Variants in LINGO2 observed in about 807,000 individuals in gnomAD.
LINGO2 encodes the protein leucine rich repeat and Ig domain containing 2.
LINGO2 carries 14 observed loss-of-function variants against 30.6 expected under a neutral mutation model. The observed-to-expected ratio is 0.46, with a 90% CI of 0.30 to 0.72. The LOEUF is 0.72. Ranked by LOEUF, LINGO2 falls within the 30% of genes least tolerant of loss-of-function variation. The probability of loss-of-function intolerance (pLI) is 0.07; values close to 1 mark genes in which losing one functional copy is unlikely to be tolerated. For synonymous variants in LINGO2, 317 were observed against 288.5 expected (o/e 1.10, Z -1.00); for missense variants, 729 against 751.7 (o/e 0.97, Z 0.35).
intron 5 of LINGO2, among the ~76,000 whole-genome samples, chr9:27,996,709 A>G (rs1821680798): frequency 6.6e-6 from 1 of 152,220 alleles, no homozygotes; most frequent in Non-Finnish European, 1.5e-5. Context: ...TAGGGCAACT[A>G]TAGCTAACAG....
At chr9:28,405,670 G>C (rs1447442909) in intron 2 of LINGO2, among the ~76,000 whole-genome samples, 1 of 152,138 alleles carries the variant, frequency 6.6e-6, no homozygotes, top group Non-Finnish European at 1.5e-5. Context: ...GCTTGTTTTA[G>C]TTATCCATTG....
chr9:29,141,147 A>G, the LINGO2 span, among the ~76,000 whole-genome samples: 1 of 152,064 alleles, frequency 6.6e-6, no homozygotes, highest in Non-Finnish European at 1.5e-5. Flanking sequence ...GAATCCTGTA[A>G]TACAGTAGCA....
At chr9:28,869,828 C>A in the LINGO2 span, among the ~76,000 whole-genome samples, 1 of 151,862 alleles carries the variant, frequency 6.6e-6, no homozygotes, top group East Asian at 1.9e-4. Context: ...AACATAGCAC[C>A]CTTTTCCCAA....
chr9:28,390,855 A>C (rs574330798), intron 2 of LINGO2, among the ~76,000 whole-genome samples: 28 of 152,324 alleles, frequency 1.8e-4, no homozygotes, highest in African/African-American at 6.5e-4. Flanking sequence ...GTATGGGGGA[A>C]AATCCAGCAT....
At chr9:27,981,562 AAAAAAAAG>A in intron 5 of LINGO2, among the ~76,000 whole-genome samples, 2 of 128,722 alleles carry the variant, frequency 1.6e-5, no homozygotes, top group Middle Eastern at 3.7e-3. Flanking sequence ...AAAAAAAAGA[AAAAAAAAG>A]AAAAAAAAAA....
At chr9:28,751,031 C>A in the LINGO2 span, among the ~76,000 whole-genome samples, 3 of 151,666 alleles carry the variant, frequency 2.0e-5, no homozygotes, top group Non-Finnish European at 2.9e-5. Flanking sequence ...TTGGGAGGAC[C>A]AGGTAGGAGA....
At chr9:28,957,001 G>A in the LINGO2 span, among the ~76,000 whole-genome samples, 1 of 151,960 alleles carries the variant, frequency 6.6e-6, no homozygotes, top group East Asian at 2.0e-4. Flanking sequence ...TATGAATCCA[G>A]GATTCTATGA....
chr9:28,892,684 C>A, the LINGO2 span, among the ~76,000 whole-genome samples: 4,410 of 151,874 alleles, frequency 0.029, 184 homozygotes, highest in African/African-American at 0.086. Flanking sequence ...GCATAAGAAA[C>A]AGCAATGATA....
At chr9:29,046,074 T>C in the LINGO2 span, among the ~76,000 whole-genome samples, 391 of 152,296 alleles carry the variant, frequency 2.6e-3, no homozygotes, top group Non-Finnish European at 4.4e-3. Flanking sequence ...AATCATGTCA[T>C]CTGCAAACAG....
intron 4 of LINGO2, among the ~76,000 whole-genome samples, chr9:28,224,168 C>A (rs867539618): frequency 9.2e-5 from 14 of 152,222 alleles, no homozygotes; most frequent in Middle Eastern, 3.4e-3. Context: ...GGGTTCACAC[C>A]ATTCTCCTGC....
At chr9:28,895,402 G>C in the LINGO2 span, among the ~76,000 whole-genome samples, 4 of 152,062 alleles carry the variant, frequency 2.6e-5, no homozygotes, top group African/African-American at 4.8e-5. Flanking sequence ...ACCTTGCAAA[G>C]AGACCGTGGC....
chr9:28,387,111 G>T (rs1250568754), intron 2 of LINGO2, among the ~76,000 whole-genome samples: 1 of 152,110 alleles, frequency 6.6e-6, no homozygotes, highest in Non-Finnish European at 1.5e-5. Context: ...ACACCAATCA[G>T]CACTCTGTAA....
chr9:28,362,481 T>G (rs1308508524), intron 3 of LINGO2, among the ~76,000 whole-genome samples: 1 of 151,928 alleles, frequency 6.6e-6, no homozygotes, highest in African/African-American at 2.4e-5. Flanking sequence ...TTTTTTTTTC[T>G]TTTTTTGAGA....
the LINGO2 span, among the ~76,000 whole-genome samples, chr9:28,883,435 C>A: frequency 6.6e-6 from 1 of 151,670 alleles, no homozygotes; most frequent in South Asian, 2.1e-4. Flanking sequence ...CTTTCTACCA[C>A]ACTCACTCTG....
At chr9:28,010,831 T>G (rs906524130) in intron 5 of LINGO2, among the ~76,000 whole-genome samples, 3 of 152,198 alleles carry the variant, frequency 2.0e-5, no homozygotes, top group Non-Finnish European at 4.4e-5. Flanking sequence ...GGCATGTGCC[T>G]GTCGTCCCAG....
chr9:28,632,584 G>C (rs1034030046), intron 1 of LINGO2, among the ~76,000 whole-genome samples: 2 of 141,244 alleles, frequency 1.4e-5, no homozygotes, highest in Non-Finnish European at 3.0e-5. Context: ...TATATATGTC[G>C]ATATATGTAA....
At chr9:28,448,155 A>G (rs370133851) in intron 2 of LINGO2, among the ~76,000 whole-genome samples, 2 of 152,262 alleles carry the variant, frequency 1.3e-5, no homozygotes, top group East Asian at 3.9e-4. Flanking sequence ...ATATCTTGAA[A>G]AGATAGAATA....
intron 4 of LINGO2, among the ~76,000 whole-genome samples, chr9:28,225,205 G>A (rs1360915057): frequency 2.6e-5 from 4 of 152,036 alleles, no homozygotes; most frequent in African/African-American, 9.7e-5. Context: ...ATGAGAAACC[G>A]ATTAGCAAGA....
the LINGO2 span, among the ~76,000 whole-genome samples, chr9:28,846,460 T>C: frequency 1.6e-5 from 2 of 127,864 alleles, no homozygotes; most frequent in Non-Finnish European, 1.7e-5. Context: ...TTTCTGAGAA[T>C]TTCCCCTTCC....
Sources: allele counts gnomAD v4.1 joint callset (sites outside exome capture counted in the v4.1 genomes callset), GRCh38; gene constraint gnomAD v4.1.1; transcripts MANE v1.5; gene names NCBI Gene and HGNC (gene_info 2026-07-23, HGNC 2026-07-21).